Variants in TENM1 observed in about 807,000 individuals in gnomAD.
The protein encoded by TENM1 is teneurin transmembrane protein 1, also known as teneurin-1.
TENM1 carries 35 observed loss-of-function variants against 174.8 expected under a neutral mutation model. The ratio of observed to expected loss-of-function variants is 0.20; its 90% CI spans 0.15 to 0.27. The LOEUF (loss-of-function observed/expected upper bound fraction) is 0.27, where lower values mean the gene tolerates loss of function less well. Among genes scored for constraint, TENM1 ranks in the 10% least tolerant of loss-of-function variants. TENM1 has a pLI of 1.00. For synonymous variants in TENM1, 781 were observed against 798.7 expected (o/e 0.98, Z 0.37); for missense variants, 1,633 against 2,130.1 (o/e 0.77, Z 4.59).
chrX:124,963,038 T>G (rs1213382006), intron 1 of TENM1, among the ~76,000 whole-genome samples: 1 of 111,697 alleles, frequency 9.0e-6, no homozygotes, highest in Non-Finnish European at 1.9e-5. Context: ...AATATGGCTA[T>G]TGTAGGAAGG....
intron 18 of TENM1, among the ~76,000 whole-genome samples, chrX:124,517,193 T>C (rs1041285981): frequency 9.0e-6 from 1 of 110,599 alleles, no homozygotes; most frequent in Non-Finnish European, 1.9e-5. Flanking sequence ...AAAATAACTA[T>C]TGGGTACTAG....
intron 2 of TENM1, among the ~76,000 whole-genome samples, chrX:124,894,946 A>C (rs772598295): frequency 9.0e-6 from 1 of 111,329 alleles, no homozygotes; most frequent in South Asian, 3.8e-4. Flanking sequence ...ACATGAACAC[A>C]TACATATATG....
At chrX:124,852,144 T>G (rs1221743415) in intron 3 of TENM1, among the ~76,000 whole-genome samples, 1 of 111,071 alleles carries the variant, frequency 9.0e-6, no homozygotes, top group Non-Finnish European at 1.9e-5. Flanking sequence ...CTGTAGAGTT[T>G]TAAGATGTTG....
intron 5 of TENM1, among the ~76,000 whole-genome samples, chrX:124,684,017 T>C (rs922228415): frequency 1.8e-5 from 2 of 112,347 alleles, no homozygotes; most frequent in Non-Finnish European, 3.8e-5. Context: ...CTTCAATATA[T>C]AAAATTTCTT....
chrX:124,756,757 C>G (rs1486685888), intron 3 of TENM1, among the ~76,000 whole-genome samples: 16 of 105,254 alleles, frequency 1.5e-4, no homozygotes, highest in South Asian at 8.6e-4. Context: ...GAGGTCCACT[C>G]CAGACCCTGT....
At chrX:125,062,056 G>A in the TENM1 span, among the ~76,000 whole-genome samples, 1 of 111,860 alleles carries the variant, frequency 8.9e-6, no homozygotes, top group South Asian at 3.7e-4. Flanking sequence ...ATGAGATTTG[G>A]GGCAAGTCAC....
In TENM1 at chrX:124,752,960, T is replaced by C. The variant is rs745365731; in HGVS notation, c.536-15763A>G. On this transcript the variant is annotated intron_variant, in intron 3 of 31. Coordinates refer to ENST00000422452, the Ensembl canonical transcript of TENM1. ...CAGCTTTGTTCTTTTGGCTTAGGAT[T>C]GACTTGGCGATGCGGGCTCTTTTTT... Among the ~76,000 whole-genome samples the C allele has an allele frequency of 6.2e-3, 686 of 111,174 alleles. 7 individuals carry two copies. Among genetic ancestry groups the C allele is most frequent in the Non-Finnish European group, 8.8e-3 (465 of 53,016 alleles).
rs191653972 is a variant in TENM1, at chrX:124,671,925, G to A, written c.1016-90C>T. 7.2e-5 allele frequency: 73 copies of A among 1,012,403 alleles called. No homozygotes were observed. The African/African-American group carries it at 1.0e-3, about 15-fold the overall frequency. The allele number at this position is 1,012,403 out of a possible 1,213,427, so 83.4% of individuals were successfully genotyped here. ...ATCCCTTTGCACCTAAAAATGTTAC[G>A]AACAGTTTTCTTTTAGTTAGGCCAA... On this transcript the variant is annotated intron_variant, in intron 5 of 31. Coordinates refer to ENST00000422452, the Ensembl canonical transcript of TENM1.
In TENM1 at chrX:124,701,517, G is replaced by A. The variant is rs1603029283; in HGVS notation, c.1015+3496C>T. ...GTCTTCCTGACTACTACTTCATATG[G>A]CTTATTTGTAAATTCAAGCAAATGT... On this transcript the variant is annotated intron_variant, in intron 5 of 31. Transcript: ENST00000422452. Among the ~76,000 whole-genome samples, 3 of 111,702 alleles carry A rather than the reference G, an allele frequency of 2.7e-5. No individual in the cohort carries two copies. In the Admixed American group the frequency reaches 2.9e-4, roughly 11 times the overall value.
the TENM1 span, among the ~76,000 whole-genome samples, chrX:125,114,018 ACTCCT>A: frequency 1.8e-5 from 2 of 110,947 alleles, no homozygotes; most frequent in South Asian, 7.6e-4. Context: ...GAAGTAAAAC[ACTCCT>A]CAGCAAATGC....
the TENM1 span, among the ~76,000 whole-genome samples, chrX:125,013,483 T>G: frequency 3.6e-4 from 40 of 111,558 alleles, no homozygotes; most frequent in African/African-American, 1.3e-3. Context: ...ATAGTAACCA[T>G]GGAAGATCCT....
At chrX:124,847,919 G>T (rs141463908) in intron 3 of TENM1, among the ~76,000 whole-genome samples, 3,397 of 110,845 alleles carry the variant, frequency 0.031, 65 homozygotes, top group Middle Eastern at 0.075. Context: ...GGGTATGAAT[G>T]GTGACTTATT....
intron 23 of TENM1, among the ~76,000 whole-genome samples, chrX:124,448,851 G>A (rs1172949540): frequency 8.9e-6 from 1 of 111,967 alleles, no homozygotes; most frequent in East Asian, 2.8e-4. Flanking sequence ...CATCAAGGAA[G>A]GTTCCCATGG....
At chrX:124,757,461 C>T (rs2054289081) in intron 3 of TENM1, among the ~76,000 whole-genome samples, 1 of 112,677 alleles carries the variant, frequency 8.9e-6, no homozygotes, top group South Asian at 3.6e-4. Context: ...GAGGCAATGC[C>T]TCGCCGTGCT....
Position 124,644,142 on chromosome X carries a change from T to A in TENM1, c.1876+1001A>T, listed in dbSNP as rs994229221. Among the ~76,000 whole-genome samples, 31 of 99,462 alleles carry A rather than the reference T, an allele frequency of 3.1e-4. 1 individual carries two copies. Among genetic ancestry groups the A allele is most frequent in the Non-Finnish European group, 4.6e-4 (23 of 50,391 alleles). The allele number at this position is 99,462 out of a possible 115,157, so 86.4% of individuals were successfully genotyped here. On this transcript the variant is annotated intron_variant, in intron 10 of 31. Coordinates refer to ENST00000422452, the Ensembl canonical transcript of TENM1. ...TACATATATATGCCATATATATATA[T>A]AAATTTATATATATATGGCATATAT...
At chrX:124,613,623 A>G (rs1387892860) in intron 11 of TENM1, among the ~76,000 whole-genome samples, 3 of 110,975 alleles carry the variant, frequency 2.7e-5, no homozygotes, top group Non-Finnish European at 5.7e-5. Flanking sequence ...CCTTTATTTC[A>G]TTTCTTTCAC....
In TENM1 at chrX:124,407,143, G is replaced by C. The variant is rs1463518004; in HGVS notation, c.4983-654C>G. Among the ~76,000 whole-genome samples the C allele has an allele frequency of 7.6e-5, 8 of 105,185 alleles. No individual in the cohort carries two copies. The Admixed American group carries it at 8.4e-4, about 11-fold the overall frequency. 91.3% of individuals were successfully genotyped at this position (105,185 alleles called of 115,157 possible). On this transcript the variant is annotated intron_variant, in intron 25 of 31. Transcript: ENST00000422452. ...TTTTGTAATTTGTCTATATGAGTAA[G>C]AGACAAAAAATAATTACCTGGGATA...
intron 2 of TENM1, among the ~76,000 whole-genome samples, chrX:124,894,876 T>C (rs1204877128): frequency 2.7e-5 from 3 of 111,862 alleles, no homozygotes; most frequent in Non-Finnish European, 5.6e-5. Context: ...ATGTCAAATA[T>C]GTTCCCTTCT....
the TENM1 span, among the ~76,000 whole-genome samples, chrX:125,148,734 C>A: frequency 9.0e-6 from 1 of 111,720 alleles, no homozygotes; most frequent in African/African-American, 3.3e-5. Flanking sequence ...GATCTAGAAG[C>A]CTTGGGATCA....
Sources: gnomAD v4.1 joint callset for allele counts (sites outside exome capture counted in the v4.1 genomes callset) on GRCh38, gnomAD v4.1.1 for gene constraint, MANE v1.5 for transcripts, NCBI Gene and HGNC (gene_info 2026-07-23, HGNC 2026-07-21) for gene names.